BID: variants seen among roughly 807,000 people sequenced by gnomAD.
BID encodes the protein BH3-interacting domain death agonist.
BID carries 19 observed loss-of-function variants against 17.4 expected under a neutral mutation model. The observed-to-expected ratio is 1.09, with a 90% confidence interval of 0.76 to 1.60. BID has a LOEUF of 1.60. Among genes scored for constraint, BID ranks in the 40% most tolerant of loss-of-function variants. The probability of loss-of-function intolerance (pLI) is 0.00; values close to 1 mark genes in which losing one functional copy is unlikely to be tolerated. For missense variants in BID, 226 were observed against 256.0 expected (o/e 0.88, Z 0.80); for synonymous variants, 108 against 102.8 (o/e 1.05, Z -0.31).
chr22:17,770,657 G>A lies in BID; in HGVS notation c.-59+3724C>T, dbSNP rs541703549. ...AAAGCTCTTGGCCAAGGGCCGTGAC[G>A]GCGGCGGGGAGGTTCAGCAGCTGTC... On this transcript the variant is annotated intron_variant, in intron 1 of 5. Transcript: ENST00000622694. Among the ~76,000 whole-genome samples, 458 of 152,376 alleles carry A rather than the reference G, an allele frequency of 3.0e-3. 1 individual carries two copies. The highest frequency in any genetic ancestry group is 0.011 in the African/African-American group (437 of 41,586).
At position 17,773,748 on chromosome 22, in the gene BID, G is replaced by T; in HGVS notation, c.-59+633C>A. ...CAGCCCAGCCACTTGGTGGCTGAGGGCTTCAGAGCTCTCCCAGGGTCCCCT... is the reference window on the plus strand; with the variant it reads ...CAGCCCAGCCACTTGGTGGCTGAGGTCTTCAGAGCTCTCCCAGGGTCCCCT... On this transcript the variant is annotated intron_variant, in intron 1 of 5. Coordinates refer to ENST00000622694, the MANE Select transcript of BID (RefSeq NM_001196.4). The surrounding 1 kb of genome is among the most constrained non-coding windows in gnomAD (Gnocchi z 4.4). The T allele has an allele frequency of 2.0e-6, 3 of 1,533,742 alleles. No individual in the cohort carries two copies. The highest frequency in any genetic ancestry group is 2.7e-6 in the Non-Finnish European group (3 of 1,125,712).
In BID at chr22:17,750,161, G is replaced by A; in HGVS notation, c.-45C>T. 6.2e-7 allele frequency: 1 copy of A among 1,613,042 alleles called. No homozygotes were observed. Among genetic ancestry groups the A allele is most frequent in the Non-Finnish European group, 8.5e-7 (1 of 1,179,818 alleles). On this transcript the variant is annotated 5_prime_UTR_variant, in exon 2 of 6. Coordinates refer to ENST00000622694, the MANE Select transcript of BID (RefSeq NM_001196.4). ...CTCCGACTCACTCCTGGTTCACAGTGTCCCAGTGGCGACCTGGAAAGGGAC... is the reference window on the plus strand; with the variant it reads ...CTCCGACTCACTCCTGGTTCACAGTATCCCAGTGGCGACCTGGAAAGGGAC...
At chr22:17,752,704 C>T (rs1020222903) in intron 1 of BID, among the ~76,000 whole-genome samples, 4 of 151,466 alleles carry the variant, frequency 2.6e-5, no homozygotes, top group Admixed American at 6.6e-5. Context: ...CTCACTGTGT[C>T]GCCCAGGCTG....
At chr22:17,764,324 A>G (rs1219289826) in intron 1 of BID, 3 of 154,338 alleles carry the variant, frequency 1.9e-5, no homozygotes, top group African/African-American at 7.2e-5. Flanking sequence ...TTCATGGATT[A>G]CAAATCTAGG....
chr22:17,754,103 C>T (rs1198170279), intron 1 of BID, among the ~76,000 whole-genome samples: 2 of 151,800 alleles, frequency 1.3e-5, no homozygotes, highest in Non-Finnish European at 2.9e-5. Context: ...TTCTCCAGGA[C>T]TCTGCCAGAT....
rs201580662 is a variant in BID, at chr22:17,750,188, C to T, written c.-58-14G>A. 7.5e-6 allele frequency: 12 copies of T among 1,609,618 alleles called. No homozygotes were observed. The highest frequency in any genetic ancestry group is 1.7e-4 in the Middle Eastern group (1 of 6,032). On this transcript the variant is annotated splice_polypyrimidine_tract_variant and intron_variant, in intron 1 of 5. Transcript: ENST00000622694. ...CCCAGTGGCGACCTGGAAAGGGACA[C>T]ACAGAGTGGGCGGCCGCTCCTGGGA...
At chr22:17,737,804 TAGTA>T (rs1273786068) in intron 5 of BID, among the ~76,000 whole-genome samples, 1 of 152,218 alleles carries the variant, frequency 6.6e-6, no homozygotes, top group Non-Finnish European at 1.5e-5. Context: ...ATGTCTCCAA[TAGTA>T]AGCTGCTAAA....
intron 1 of BID, among the ~76,000 whole-genome samples, chr22:17,767,223 C>A (rs567419999): frequency 3.8e-4 from 55 of 145,772 alleles, no homozygotes; most frequent in South Asian, 6.5e-4. Context: ...GATTCCATCT[C>A]AAAAAAAAAA....
intron 1 of BID, among the ~76,000 whole-genome samples, chr22:17,763,037 C>A (rs564648630): frequency 6.7e-6 from 1 of 150,364 alleles, no homozygotes; most frequent in Admixed American, 6.6e-5. Flanking sequence ...CCACCTCATC[C>A]GGCTAATTTT....
At chr22:17,750,807 G>C (rs1049948520) in intron 1 of BID, among the ~76,000 whole-genome samples, 2 of 152,096 alleles carry the variant, frequency 1.3e-5, no homozygotes, top group African/African-American at 4.8e-5. Flanking sequence ...CAGCCTGGGC[G>C]ACAGAGCGAG....
chr22:17,744,668 C>T (rs1229383203), intron 2 of BID, among the ~76,000 whole-genome samples: 3 of 152,174 alleles, frequency 2.0e-5, no homozygotes, highest in Non-Finnish European at 4.4e-5. Flanking sequence ...GGCTCTTGGC[C>T]GGCAGCTCTC....
chr22:17,773,537 C>T lies in BID; in HGVS notation c.-59+844G>A. The T allele has an allele frequency of 6.5e-7, 1 of 1,533,932 alleles. No individual in the cohort carries two copies. Among genetic ancestry groups the T allele is most frequent in the Non-Finnish European group, 9.0e-7 (1 of 1,116,342 alleles). ...GAGCTCTGGGTGGGTCCATCTGCTCCTCACCTGCCCCAACCCTGCCTGCAG... is the reference window on the plus strand; with the variant it reads ...GAGCTCTGGGTGGGTCCATCTGCTCTTCACCTGCCCCAACCCTGCCTGCAG... On this transcript the variant is annotated intron_variant, in intron 1 of 5. Transcript: ENST00000622694. The surrounding 1 kb of genome is among the most constrained non-coding windows in gnomAD (Gnocchi z 4.4).
In BID at chr22:17,765,739, T is replaced by C. The variant is rs2061673542; in HGVS notation, c.-59+8642A>G. On this transcript the variant is annotated intron_variant, in intron 1 of 5. Coordinates refer to ENST00000622694, the MANE Select transcript of BID (RefSeq NM_001196.4). ...ATTAGGAGATATACCTAATGACGAG[T>C]TAATGGGTGCAGCACACCAACATGG... 2.0e-5 allele frequency among the ~76,000 whole-genome samples: 3 copies of C among 151,960 alleles called. No homozygotes were observed. In the South Asian group the frequency reaches 6.2e-4, roughly 32 times the overall value.
At chr22:17,768,564 C>T (rs1194124941) in intron 1 of BID, among the ~76,000 whole-genome samples, 1 of 152,200 alleles carries the variant, frequency 6.6e-6, no homozygotes, top group Non-Finnish European at 1.5e-5. Context: ...CCTGAACTCT[C>T]TGTAGACTCT....
In BID at chr22:17,735,301, C is replaced by T. The variant is rs952862097; in HGVS notation, c.*279G>A. On this transcript the variant is annotated 3_prime_UTR_variant, in exon 6 of 6. Transcript: ENST00000622694. ...GGAACCTGCACAGTGGAAATAAAGG[C>T]ACCGTGTGTAGATTTACAGATGTGC... The T allele has an allele frequency of 2.2e-6, 1 of 445,502 alleles. No homozygotes were observed. Among genetic ancestry groups the T allele is most frequent in the African/African-American group, 2.0e-5 (1 of 49,368 alleles). 27.6% of individuals were successfully genotyped at this position (445,502 alleles called of 1,614,324 possible).
chr22:17,735,504 T>G lies in BID; in HGVS notation c.*76A>C, dbSNP rs375225896. 130 of 1,568,982 alleles carry G rather than the reference T, an allele frequency of 8.3e-5. No homozygotes were observed. The Middle Eastern group carries it at 1.2e-3, about 14-fold the overall frequency. On this transcript the variant is annotated 3_prime_UTR_variant, in exon 6 of 6. Coordinates refer to ENST00000622694, the MANE Select transcript of BID (RefSeq NM_001196.4). ...AGGAACGCTGTTGACATGCCAGGGC[T>G]CCGTCTACACTGGAAGCAGCTATAC...
intron 3 of BID, chr22:17,741,304 C>T (rs1186520675): frequency 6.6e-6 from 1 of 152,238 alleles, no homozygotes; most frequent in Non-Finnish European, 1.5e-5. Flanking sequence ...GTTTCACGGC[C>T]TCCCTGGAGT....
intron 1 of BID, among the ~76,000 whole-genome samples, chr22:17,758,997 A>C (rs541966606): frequency 6.6e-6 from 1 of 152,060 alleles, no homozygotes; most frequent in South Asian, 2.1e-4. Flanking sequence ...CTTTGGGAGG[A>C]CGAGGTGGGC....
chr22:17,743,964 A>C lies in BID; in HGVS notation c.62T>G (p.Val21Gly). 1 of 1,613,870 alleles carries C rather than the reference A, an allele frequency of 6.2e-7. No homozygotes were observed. The highest frequency in any genetic ancestry group is 8.5e-7 in the Non-Finnish European group (1 of 1,179,978). ...LRDECITNLLVFGFLQSCSDN... is the reference protein window; with the variant it reads ...LRDECITNLLGFGFLQSCSDN... Reference sequence around the variant, plus strand: ...AGAACAGCTTTGGAGGAAGCCAAACACCAGTAGGTTTGTGATGCACTCATC... The same window carrying C: ...AGAACAGCTTTGGAGGAAGCCAAACCCCAGTAGGTTTGTGATGCACTCATC... Residue 21 changes from valine (V) to glycine (G), a missense_variant, in exon 3 of 6, where the codon GTG becomes GGG. Transcript: ENST00000622694.
Sources: gnomAD v4.1 joint callset for allele counts (sites outside exome capture counted in the v4.1 genomes callset) on GRCh38, gnomAD v4.1.1 for gene constraint, Gnocchi (gnomAD v3.1) non-coding constraint, MANE v1.5 for transcripts, NCBI Gene and HGNC (gene_info 2026-07-23, HGNC 2026-07-21) for gene names.